Variants in MBP observed in about 807,000 individuals in gnomAD.
The protein encoded by MBP is Golli-MBP.
Under a neutral mutation model 35.8 loss-of-function variants are expected in MBP, and 16 were observed. That is an observed-to-expected ratio of 0.45 (90% CI 0.30 to 0.68). The LOEUF (loss-of-function observed/expected upper bound fraction) is 0.68, where lower values mean the gene tolerates loss of function less well. Among genes scored for constraint, MBP ranks in the 30% least tolerant of loss-of-function variants. The probability of loss-of-function intolerance (pLI) is 0.08; values close to 1 mark genes in which losing one functional copy is unlikely to be tolerated. For missense variants in MBP, 380 were observed against 404.7 expected (o/e 0.94, Z 0.52); for synonymous variants, 143 against 159.6 (o/e 0.90, Z 0.78).
chr18:76,997,930 C>T (rs1208465062), intron 4 of MBP, among the ~76,000 whole-genome samples: 1 of 152,056 alleles, frequency 6.6e-6, no homozygotes, highest in Non-Finnish European at 1.5e-5. Flanking sequence ...GATCCGCCCG[C>T]CTCGGCCTCC....
chr18:77,120,272 C>A (rs1393330111), intron 1 of MBP, among the ~76,000 whole-genome samples: 2 of 152,234 alleles, frequency 1.3e-5, no homozygotes, highest in African/African-American at 4.8e-5. Flanking sequence ...ATCTGGTCAG[C>A]CCTCGCGGCA....
At position 77,103,632 on chromosome 18, in the gene MBP, C is replaced by T. The variant is rs556709829; in HGVS notation, c.51+1579G>A. 1.6e-4 allele frequency among the ~76,000 whole-genome samples: 24 copies of T among 152,310 alleles called. 1 individual carries two copies. In the East Asian group the frequency reaches 2.7e-3, roughly 17 times the overall value. On this transcript the variant is annotated intron_variant, in intron 2 of 8. Coordinates refer to ENST00000355994, the MANE Select transcript of MBP (RefSeq NM_001025101.2). ...CACAGCATGGACCAAGAGCAAGGGC[C>T]GCCCCCATACAAATTAGGGTGGGTC... is the stretch of plus-strand genomic sequence containing the variant.
Position 77,131,315 on chromosome 18 carries a change from C to T in MBP, c.-26+1265G>A, listed in dbSNP as rs1197907693. On this transcript the variant is annotated intron_variant, in intron 1 of 8. Coordinates refer to ENST00000355994, the MANE Select transcript of MBP (RefSeq NM_001025101.2). This position sits in a 1 kb window ranked among gnomAD's most constrained non-coding sequence, Gnocchi z 5.5. ...TGACTTGAGGGTGACCGTCCTTAAA[C>T]TGTCCCCCGGAGCTTCGCCAGATAA... Among the ~76,000 whole-genome samples, 5 of 152,198 alleles carry T rather than the reference C, an allele frequency of 3.3e-5. No homozygotes were observed. Among genetic ancestry groups the T allele is most frequent in the South Asian group, 2.1e-4 (1 of 4,830 alleles).
chr18:77,037,385 C>T (rs1360424094), intron 3 of MBP, among the ~76,000 whole-genome samples: 1 of 152,152 alleles, frequency 6.6e-6, no homozygotes, highest in African/African-American at 2.4e-5. Context: ...GCTGAGCAAG[C>T]GGCCAGACTT....
intron 2 of MBP, among the ~76,000 whole-genome samples, chr18:77,098,773 C>A (rs532060772): frequency 6.6e-6 from 1 of 152,216 alleles, no homozygotes; most frequent in Non-Finnish European, 1.5e-5. Flanking sequence ...GGATGCCCTT[C>A]GGCAAACATC....
In MBP at chr18:77,008,672, G is replaced by A. The variant is rs532389240; in HGVS notation, c.576+8160C>T. 2.1e-3 allele frequency among the ~76,000 whole-genome samples: 323 copies of A among 152,318 alleles called. 1 individual carries two copies. Among genetic ancestry groups the A allele is most frequent in the Admixed American group, 4.1e-3 (63 of 15,304 alleles). ...CAGGGCCCTTCTGCCCCCAAGCCCT[G>A]GCTTCCTCTGCTGCACTTTCAGCCA... On this transcript the variant is annotated intron_variant, in intron 4 of 8. Coordinates refer to ENST00000355994, the MANE Select transcript of MBP (RefSeq NM_001025101.2).
At chr18:77,092,827 CT>C (rs1379531926) in intron 2 of MBP, among the ~76,000 whole-genome samples, 1 of 152,238 alleles carries the variant, frequency 6.6e-6, no homozygotes. Flanking sequence ...AGCAGCTCCC[CT>C]GACCCCCGTT....
At chr18:77,014,037 C>T in intron 4 of MBP, 1 of 985,434 alleles carries the variant, frequency 1.0e-6, no homozygotes, top group Non-Finnish European at 1.2e-6. Flanking sequence ...TCATGTGACC[C>T]TGACATTCCG....
intron 3 of MBP, among the ~76,000 whole-genome samples, chr18:77,052,982 G>A (rs932090623): frequency 6.6e-6 from 1 of 152,214 alleles, no homozygotes; most frequent in Non-Finnish European, 1.5e-5. Flanking sequence ...GTGAGTCCAC[G>A]CTAGACCTCA....
chr18:77,064,962 G>A (rs1397625156), intron 3 of MBP, among the ~76,000 whole-genome samples: 1 of 152,190 alleles, frequency 6.6e-6, no homozygotes, highest in African/African-American at 2.4e-5. Context: ...GTGCACAGCA[G>A]AATAGAACTG....
chr18:77,025,474 T>C (rs1972173092), intron 3 of MBP, among the ~76,000 whole-genome samples: 1 of 151,902 alleles, frequency 6.6e-6, no homozygotes, highest in Non-Finnish European at 1.5e-5. Flanking sequence ...CTGTTAAACA[T>C]GAACAAAAGC....
chr18:77,043,459 G>A (rs1973094989), intron 3 of MBP, among the ~76,000 whole-genome samples: 1 of 152,186 alleles, frequency 6.6e-6, no homozygotes, highest in South Asian at 2.1e-4. Context: ...TTATTTCTGA[G>A]TGCTGGTTAT....
intron 3 of MBP, among the ~76,000 whole-genome samples, chr18:77,055,270 C>T (rs1219299257): frequency 6.6e-6 from 1 of 152,200 alleles, no homozygotes; most frequent in Non-Finnish European, 1.5e-5. Flanking sequence ...AGGAGCTGAG[C>T]TGAGCTGGTG....
At chr18:77,081,963 T>C (rs1160146520) in intron 2 of MBP, among the ~76,000 whole-genome samples, 1 of 151,898 alleles carries the variant, frequency 6.6e-6, no homozygotes, top group East Asian at 1.9e-4. Flanking sequence ...GCCATTCTCC[T>C]GCCTCAGCCT....
At chr18:77,095,598 A>G (rs1459195803) in intron 2 of MBP, 1 of 152,238 alleles carries the variant, frequency 6.6e-6, no homozygotes, top group African/African-American at 2.4e-5. Flanking sequence ...ACATAATTGC[A>G]AGAGGAAGTG....
chr18:77,016,986 G>A lies in MBP; in HGVS notation c.422C>T (p.Ser141Phe). The change falls in exon 4 of 9, where the codon TCC becomes TTC. Residue 141 changes from serine to phenylalanine, a missense_variant. Ser to Phe is a radical substitution (Grantham distance 155). Coordinates refer to ENST00000355994, the MANE Select transcript of MBP (RefSeq NM_001025101.2). The part of the protein sequence containing the change: ...LDVMASQKRP[S>F]QRHGSKYLAT... ...CAGGTACTTGGATCCGTGCCTCTGG[G>A]AGGGTCTCTTCTGTGACGCCATCAC... The A allele has an allele frequency of 6.2e-7, 1 of 1,614,166 alleles. No individual in the cohort carries two copies. Among genetic ancestry groups the A allele is most frequent in the Non-Finnish European group, 8.5e-7 (1 of 1,180,036 alleles).
At chr18:76,999,382 T>A (rs1005030621) in intron 4 of MBP, among the ~76,000 whole-genome samples, 1 of 151,886 alleles carries the variant, frequency 6.6e-6, no homozygotes, top group Non-Finnish European at 1.5e-5. Context: ...TTGTGACGTA[T>A]AAGGTCATCC....
rs373364537 is a variant in MBP at position 77,059,767 on chromosome 18, G to C, written c.139+6531C>G. ...AAAATAGGGGCCAGCACAGATAAGA[G>C]ATGCACCGCCTTCAAGAGGCTTGCA... On this transcript the variant is annotated intron_variant, in intron 3 of 8. Transcript: ENST00000355994. Among the ~76,000 whole-genome samples, 8 of 152,176 alleles carry C rather than the reference G, an allele frequency of 5.3e-5. No homozygotes were observed. In the East Asian group the frequency reaches 1.2e-3, roughly 22 times the overall value.
At chr18:77,042,387 T>C (rs1799445497) in intron 3 of MBP, among the ~76,000 whole-genome samples, 1 of 152,192 alleles carries the variant, frequency 6.6e-6, no homozygotes, top group Non-Finnish European at 1.5e-5. Flanking sequence ...TGGCACCCTT[T>C]CTCTTAGCTG....
Sources: allele counts gnomAD v4.1 joint callset (sites outside exome capture counted in the v4.1 genomes callset), GRCh38; gene constraint gnomAD v4.1.1; non-coding constraint Gnocchi (gnomAD v3.1); transcripts MANE v1.5; gene names NCBI Gene and HGNC (gene_info 2026-07-23, HGNC 2026-07-21).